Variants in FOCAD observed in about 807,000 individuals in gnomAD.
FOCAD encodes the protein focadhesin, also known as KIAA1797.
In FOCAD, 198 loss-of-function variants were observed where a neutral mutation model predicts 225.6. The ratio of observed to expected loss-of-function variants is 0.88; its 90% confidence interval spans 0.78 to 0.99. The LOEUF (loss-of-function observed/expected upper bound fraction) is 0.99. Among genes scored for constraint, FOCAD ranks in the 50% least tolerant of loss-of-function variants. The pLI, the probability that FOCAD is intolerant of heterozygous loss-of-function variation, is 0.00. For synonymous variants in FOCAD, 897 were observed against 755.0 expected, an observed-to-expected ratio of 1.19 and a Z score of -3.08; for missense variants, 2,713 against 2,123.6, an observed-to-expected ratio of 1.28 and a Z score of -5.46.
chr9:20,823,323 A>G (rs780873174), intron 15 of FOCAD, among the ~76,000 whole-genome samples: 12 of 152,090 alleles, frequency 7.9e-5, no homozygotes, highest in Admixed American at 6.6e-5. Context: ...GGCATTCTCT[A>G]GAGATCAAAG....
intron 28 of FOCAD, among the ~76,000 whole-genome samples, chr9:20,943,244 A>G (rs1836845494): frequency 6.6e-6 from 1 of 152,246 alleles, no homozygotes; most frequent in African/African-American, 2.4e-5. Context: ...TAAGTTTACG[A>G]AGCTGTAACA....
intron 6 of FOCAD, among the ~76,000 whole-genome samples, chr9:20,759,894 A>G (rs1587053112): frequency 2.0e-5 from 3 of 152,208 alleles, no homozygotes; most frequent in Admixed American, 6.5e-5. Flanking sequence ...TCCATTAGAA[A>G]ACTGCCATTT....
intron 11 of FOCAD, among the ~76,000 whole-genome samples, chr9:20,799,737 T>G (rs201295641): frequency 6.6e-5 from 10 of 152,164 alleles, no homozygotes; most frequent in African/African-American, 2.2e-4. Context: ...GAGCCTATGT[T>G]TGTCTGTGCA....
chr9:20,767,614 A>G (rs1042811625), intron 7 of FOCAD, among the ~76,000 whole-genome samples: 1 of 149,688 alleles, frequency 6.7e-6, no homozygotes, highest in African/African-American at 2.5e-5. Flanking sequence ...TTGGCTGCAT[A>G]AATGTCTTCT....
intron 28 of FOCAD, among the ~76,000 whole-genome samples, chr9:20,942,063 A>G (rs191064536): frequency 2.0e-3 from 302 of 152,302 alleles, no homozygotes; most frequent in African/African-American, 6.7e-3. Context: ...ATTGAGATGA[A>G]TGAGAGGGGA....
At chr9:20,698,586 G>C (rs1229469089) in intron 1 of FOCAD, among the ~76,000 whole-genome samples, 6 of 152,042 alleles carry the variant, frequency 3.9e-5, no homozygotes, top group African/African-American at 1.4e-4. Flanking sequence ...TTTTTGTAGA[G>C]ATGAGGTCTC....
intron 1 of FOCAD, among the ~76,000 whole-genome samples, chr9:20,687,598 A>G (rs1166316060): frequency 6.6e-6 from 1 of 152,240 alleles, no homozygotes; most frequent in African/African-American, 2.4e-5. Flanking sequence ...ATACACGTGG[A>G]GAAGAATGGA....
At chr9:20,685,813 T>C (rs1364248281) in intron 1 of FOCAD, among the ~76,000 whole-genome samples, 3 of 152,196 alleles carry the variant, frequency 2.0e-5, no homozygotes, top group East Asian at 1.9e-4. Flanking sequence ...TTTTAACTGA[T>C]TGTTGTCTCC....
Position 20,700,532 on chromosome 9 carries a change from G to C in FOCAD, c.-32-14790G>C, listed in dbSNP as rs146784210. On this transcript the variant is annotated intron_variant, in intron 1 of 43. Coordinates refer to ENST00000338382, the MANE Select transcript of FOCAD (RefSeq NM_001375567.1). The stretch of plus-strand genomic sequence containing the variant: ...TATCTACACAAAAATGATTCGCCTA[G>C]TTAAAAAAAAAAAAAACTGGGAGTT... Among the ~76,000 whole-genome samples the C allele has an allele frequency of 2.5e-3, 366 of 144,754 alleles. 4 individuals carry two copies. The East Asian group carries it at 0.029, about 11-fold the overall frequency. The allele number at this position is 144,754 out of a possible 152,430, so 95.0% of individuals were successfully genotyped here.
rs1830920573 is a variant in FOCAD, at chr9:20,884,292, C to CT, written c.2504-816dup. Reference sequence around the variant, plus strand: ...AAGCTATGAGTCAATAAGTAATATACTATATTATATTACGTTTATATTTTG... The same window carrying CT: ...AAGCTATGAGTCAATAAGTAATATACTTATATTATATTACGTTTATATTTTG... On this transcript the variant is annotated intron_variant, in intron 20 of 43. Coordinates refer to ENST00000338382, the MANE Select transcript of FOCAD (RefSeq NM_001375567.1). 2.6e-5 allele frequency among the ~76,000 whole-genome samples: 4 copies of CT among 151,920 alleles called. No individual in the cohort carries two copies. In the South Asian group the frequency reaches 8.3e-4, roughly 32 times the overall value.
rs949347334 is a variant in FOCAD at position 20,976,408 on chromosome 9, T to A, written c.4133-12T>A. 1.2e-6 allele frequency: 2 copies of A among 1,610,198 alleles called. No individual in the cohort carries two copies. The highest frequency in any genetic ancestry group is 2.7e-5 in the African/African-American group (2 of 74,732). The stretch of plus-strand genomic sequence containing the variant: ...CAGGTGTTTTACTATTATTTTTCAC[T>A]GTCTGTTATAGGTCCTGAATCTGTG... On this transcript the variant is annotated splice_polypyrimidine_tract_variant and intron_variant, in intron 35 of 43. Coordinates refer to ENST00000338382, the MANE Select transcript of FOCAD (RefSeq NM_001375567.1).
chr9:20,806,687 A>T (rs968163395), intron 11 of FOCAD, among the ~76,000 whole-genome samples: 1 of 152,180 alleles, frequency 6.6e-6, no homozygotes, highest in Non-Finnish European at 1.5e-5. Context: ...ATCGAATTCC[A>T]TCTATTAATA....
At chr9:20,662,114 C>T (rs770235369) in intron 2 of FOCAD, among the ~76,000 whole-genome samples, 11 of 152,098 alleles carry the variant, frequency 7.2e-5, no homozygotes, top group Non-Finnish European at 1.6e-4. Context: ...GACATGATTT[C>T]ACAGTAAACT....
Position 20,831,211 on chromosome 9 carries a change from A to T in FOCAD, c.1920+8096A>T, listed in dbSNP as rs771151232. Among the ~76,000 whole-genome samples, 20 of 152,162 alleles carry T rather than the reference A, an allele frequency of 1.3e-4. 1 individual carries two copies. The highest frequency in any genetic ancestry group is 4.2e-4 in the South Asian group (2 of 4,816). ...TAAAGGTTATTGTCTGTTCCCAAAG[A>T]TGTTCAAATAGAATGGTTGGCAGCC... On this transcript the variant is annotated intron_variant, in intron 15 of 43. Coordinates refer to ENST00000338382, the MANE Select transcript of FOCAD (RefSeq NM_001375567.1).
At chr9:20,946,241 A>AG (rs1837167199) in intron 29 of FOCAD, among the ~76,000 whole-genome samples, 1 of 152,188 alleles carries the variant, frequency 6.6e-6, no homozygotes, top group Non-Finnish European at 1.5e-5. Flanking sequence ...TACTTCTCCT[A>AG]GGGAATCTTA....
chr9:20,908,004 G>A (rs925298566), intron 22 of FOCAD, among the ~76,000 whole-genome samples: 1 of 152,032 alleles, frequency 6.6e-6, no homozygotes, highest in Non-Finnish European at 1.5e-5. Flanking sequence ...CGTACTAGGT[G>A]CTCACTAAAT....
chr9:20,730,347 A>G (rs1007847244), intron 4 of FOCAD, among the ~76,000 whole-genome samples: 1 of 152,114 alleles, frequency 6.6e-6, no homozygotes, highest in Admixed American at 6.5e-5. Context: ...CTACACCCAG[A>G]GGTATAATTT....
intron 10 of FOCAD, among the ~76,000 whole-genome samples, chr9:20,785,892 G>GT (rs948105137): frequency 3.9e-5 from 6 of 152,130 alleles, no homozygotes; most frequent in African/African-American, 1.4e-4. Flanking sequence ...GAGGGTTCCA[G>GT]TTTCTCCCTG....
chr9:20,813,849 A>G (rs553609712), intron 11 of FOCAD, among the ~76,000 whole-genome samples: 1 of 152,182 alleles, frequency 6.6e-6, no homozygotes, highest in South Asian at 2.1e-4. Context: ...CTATTACTGT[A>G]TTGCTTTCCA....
Sources: allele counts gnomAD v4.1 joint callset (sites outside exome capture counted in the v4.1 genomes callset), GRCh38; gene constraint gnomAD v4.1.1; transcripts MANE v1.5; gene names NCBI Gene and HGNC (gene_info 2026-07-23, HGNC 2026-07-21).